CELF4: variants seen among roughly 807,000 people sequenced by gnomAD.
The protein encoded by CELF4 is CUG-BP- and ETR-3-like factor 4.
CELF4 carries 18 observed loss-of-function variants against 59.9 expected under a neutral mutation model. That is an observed-to-expected ratio of 0.30 (90% CI 0.21 to 0.45). The LOEUF (loss-of-function observed/expected upper bound fraction) is 0.45. Ranked by LOEUF, CELF4 falls within the 20% of genes least tolerant of loss-of-function variation. The pLI is 1.00. For synonymous variants in CELF4, 261 were observed against 267.1 expected, an observed-to-expected ratio of 0.98 and a Z score of 0.22; for missense variants, 456 against 689.0, an observed-to-expected ratio of 0.66 and a Z score of 3.79.
At chr18:37,410,148 A>C (rs2099428660) in intron 2 of CELF4, among the ~76,000 whole-genome samples, 1 of 152,124 alleles carries the variant, frequency 6.6e-6, no homozygotes, top group Non-Finnish European at 1.5e-5. Context: ...CAGAAAGAGG[A>C]GAAGAGCAAA....
At chr18:37,488,585 G>A (rs2099887533) in intron 1 of CELF4, among the ~76,000 whole-genome samples, 1 of 152,080 alleles carries the variant, frequency 6.6e-6, no homozygotes, top group East Asian at 1.9e-4. Context: ...GGTTCCTGAT[G>A]GGAGGGTTTT....
chr18:37,364,363 C>A (rs1242138744), intron 2 of CELF4, among the ~76,000 whole-genome samples: 1 of 152,200 alleles, frequency 6.6e-6, no homozygotes, highest in Non-Finnish European at 1.5e-5. Context: ...TCCCTGGCAG[C>A]CACTTCAGGA....
chr18:37,462,721 G>T (rs1603641803), intron 2 of CELF4, among the ~76,000 whole-genome samples: 1 of 152,102 alleles, frequency 6.6e-6, no homozygotes, highest in African/African-American at 2.4e-5. Flanking sequence ...AGATAGACAA[G>T]ATTTGACTTA....
intron 2 of CELF4, among the ~76,000 whole-genome samples, chr18:37,364,117 C>T (rs1165425388): frequency 6.6e-6 from 1 of 152,160 alleles, no homozygotes; most frequent in Admixed American, 6.5e-5. Context: ...GGGAATGTTT[C>T]CAGGGGATTT....
intron 2 of CELF4, among the ~76,000 whole-genome samples, chr18:37,444,609 A>C (rs1603641325): frequency 3.2e-5 from 3 of 93,456 alleles, no homozygotes; most frequent in Non-Finnish European, 4.5e-5. Context: ...CTCTCTCTCT[A>C]GCATGCATAC....
chr18:37,436,676 T>C lies in CELF4; in HGVS notation c.369+48849A>G, dbSNP rs2099693711. Among the ~76,000 whole-genome samples, 3 of 152,152 alleles carry C rather than the reference T, an allele frequency of 2.0e-5. No homozygotes were observed. In the South Asian group the frequency reaches 6.2e-4, roughly 32 times the overall value. On this transcript the variant is annotated intron_variant, in intron 2 of 12. Coordinates refer to ENST00000420428, the MANE Select transcript of CELF4 (RefSeq NM_020180.4). ...GCTGCCTGCTCAGGAGAACACACAA[T>C]TCAGAAACTGTTCCTGCAGCCCTTT...
In CELF4 at chr18:37,471,678, T is replaced by C. The variant is rs929322553; in HGVS notation, c.369+13847A>G. ...GGAGTCTCGATCCATTGTCCTCTAA[T>C]TGCTTGGCATGTACATCTTCTCTCC... On this transcript the variant is annotated intron_variant, in intron 2 of 12. Transcript: ENST00000420428. Among the ~76,000 whole-genome samples, 3 of 152,126 alleles carry C rather than the reference T, an allele frequency of 2.0e-5. No individual in the cohort carries two copies. The South Asian group carries it at 6.2e-4, about 32-fold the overall frequency.
intron 1 of CELF4, among the ~76,000 whole-genome samples, chr18:37,487,362 C>T (rs2099883368): frequency 6.6e-6 from 1 of 152,192 alleles, no homozygotes; most frequent in African/African-American, 2.4e-5. Flanking sequence ...CAGAAACTCT[C>T]AGCTCCCAGT....
At chr18:37,417,260 C>T (rs1255963700) in intron 2 of CELF4, among the ~76,000 whole-genome samples, 6 of 152,044 alleles carry the variant, frequency 3.9e-5, no homozygotes, top group African/African-American at 1.2e-4. Flanking sequence ...CATGCCCATC[C>T]ATAGGGATGG....
At chr18:37,298,415 C>T (rs2095801181) in intron 3 of CELF4, among the ~76,000 whole-genome samples, 1 of 152,156 alleles carries the variant, frequency 6.6e-6, no homozygotes, top group Admixed American at 6.5e-5. Context: ...ATCCCTGTTC[C>T]ACTCTGAATA....
chr18:37,429,808 A>C (rs923806777), intron 2 of CELF4, among the ~76,000 whole-genome samples: 2 of 152,150 alleles, frequency 1.3e-5, no homozygotes, highest in Admixed American at 1.3e-4. Flanking sequence ...AAAATAGAAC[A>C]ACCTCATCAT....
intron 2 of CELF4, among the ~76,000 whole-genome samples, chr18:37,480,313 AC>A (rs2099862993): frequency 1.3e-5 from 2 of 152,138 alleles, no homozygotes; most frequent in African/African-American, 2.4e-5. Flanking sequence ...AAAAACCAAC[AC>A]TGTGCCTACA....
At chr18:37,449,734 G>T (rs2099757856) in intron 2 of CELF4, among the ~76,000 whole-genome samples, 2 of 152,204 alleles carry the variant, frequency 1.3e-5, no homozygotes, top group South Asian at 2.1e-4. Context: ...AAACTGGAAG[G>T]AAGTGAGAGA....
At chr18:37,555,461 C>T (rs550263007) in intron 1 of CELF4, among the ~76,000 whole-genome samples, 5 of 152,272 alleles carry the variant, frequency 3.3e-5, no homozygotes, top group Non-Finnish European at 7.4e-5. Context: ...CCTCTGGGAA[C>T]AAGGACCCCC....
At position 37,266,557 on chromosome 18, in the gene CELF4, C is replaced by G. The variant is rs759568975; in HGVS notation, c.1141G>C (p.Ala381Pro). 6.3e-7 allele frequency: 1 copy of G among 1,597,380 alleles called. No homozygotes were observed. Among genetic ancestry groups the G allele is most frequent in the South Asian group, 1.1e-5 (1 of 87,618 alleles). ...CGACCTGCATACTGCTGCACTCCGGCGTAGGCCTGCTGCAGGGGGTCCGCG... is the reference window on the plus strand; with the variant it reads ...CGACCTGCATACTGCTGCACTCCGGGGTAGGCCTGCTGCAGGGGGTCCGCG... ...TAADPLQQAY[A>P]GVQQYAGPAA... The change falls in exon 9 of 13, where the codon GCC becomes CCC. Residue 381 changes from alanine to proline, a missense_variant. By Grantham distance (27) the Ala-to-Pro change is conservative. Transcript: ENST00000420428.
At chr18:37,510,360 C>T (rs1417352898) in intron 1 of CELF4, among the ~76,000 whole-genome samples, 1 of 152,200 alleles carries the variant, frequency 6.6e-6, no homozygotes, top group Non-Finnish European at 1.5e-5. Context: ...GCAGGGACCC[C>T]TGCCTTCTTC....
intron 3 of CELF4, among the ~76,000 whole-genome samples, chr18:37,298,368 CAG>C (rs2095797348): frequency 1.3e-5 from 2 of 152,204 alleles, no homozygotes; most frequent in Non-Finnish European, 2.9e-5. Flanking sequence ...CAGAATGAGA[CAG>C]TGCATGTCAC....
chr18:37,425,455 C>G (rs76626231), intron 2 of CELF4, among the ~76,000 whole-genome samples: 1 of 152,240 alleles, frequency 6.6e-6, no homozygotes, highest in Non-Finnish European at 1.5e-5. Context: ...GGAAGCCCTC[C>G]TGGCTCCCAG....
intron 2 of CELF4, among the ~76,000 whole-genome samples, chr18:37,460,973 A>G (rs555978747): frequency 2.0e-4 from 30 of 152,372 alleles, no homozygotes; most frequent in African/African-American, 7.2e-4. Flanking sequence ...AGCATCAAAG[A>G]CAAGGAATGC....
Sources: allele counts gnomAD v4.1 joint callset (sites outside exome capture counted in the v4.1 genomes callset), GRCh38; gene constraint gnomAD v4.1.1; transcripts MANE v1.5; gene names NCBI Gene and HGNC (gene_info 2026-07-23, HGNC 2026-07-21).